The following TEK variants were observed in gnomAD, a reference collection of about 807,000 sequenced individuals.
The protein encoded by TEK is angiopoietin-1 receptor.
A neutral mutation model predicts 131.8 loss-of-function variants in TEK; 43 were observed. That is an observed-to-expected ratio of 0.33 (90% CI 0.26 to 0.42). TEK has a LOEUF of 0.42. Ranked by LOEUF, TEK falls within the 10% of genes least tolerant of loss-of-function variation. TEK has a pLI of 1.00. For missense variants in TEK, 1,162 were observed against 1,384.4 expected, an observed-to-expected ratio of 0.84 and a Z score of 2.55; for synonymous variants, 580 against 491.6, an observed-to-expected ratio of 1.18 and a Z score of -2.38.
chr9:27,229,096 C>A, intron 22 of TEK, 62 bp from the exon 23 acceptor site: 1 of 1,497,724 alleles, frequency 6.7e-7, no homozygotes, highest in Non-Finnish European at 9.3e-7. Context: ...ATTGCTGTAA[C>A]TGCCGCTGGC....
At chr9:27,183,073 TG>T (rs750062404) in intron 7 of TEK, among the ~76,000 whole-genome samples, 1 of 152,188 alleles carries the variant, frequency 6.6e-6, no homozygotes, top group Non-Finnish European at 1.5e-5. Flanking sequence ...TTTTGTTTGT[TG>T]TATTTTTGTA....
At chr9:27,201,515 A>G (rs1452405834) in intron 12 of TEK, among the ~76,000 whole-genome samples, 6 of 152,152 alleles carry the variant, frequency 3.9e-5, no homozygotes, top group African/African-American at 4.8e-5. Flanking sequence ...AAGACTTGGT[A>G]CTGGATGTAA....
At chr9:27,209,642 C>A (rs1347145136) in intron 16 of TEK, among the ~76,000 whole-genome samples, 1 of 152,090 alleles carries the variant, frequency 6.6e-6, no homozygotes, top group Non-Finnish European at 1.5e-5. Flanking sequence ...CCATGAATGC[C>A]AGCAATCTAG....
rs982034682 is a variant in TEK, at chr9:27,109,494, C to A, written c.-97C>A. The stretch of plus-strand genomic sequence containing the variant: ...AACTTGTAAACAAGACGTAGTAGGA[C>A]GATGCTAATGGAAAGTCACAAACCG... On this transcript the variant is annotated 5_prime_UTR_variant, in exon 1 of 23. Transcript: ENST00000380036. 3 of 1,227,602 alleles carry A rather than the reference C, an allele frequency of 2.4e-6. No individual in the cohort carries two copies. Among genetic ancestry groups the A allele is most frequent in the African/African-American group, 3.0e-5 (2 of 67,264 alleles). 76.0% of individuals were successfully genotyped at this position (1,227,602 alleles called of 1,614,324 possible).
chr9:27,191,598 A>T (rs977005646), intron 10 of TEK, among the ~76,000 whole-genome samples: 6 of 151,866 alleles, frequency 4.0e-5, no homozygotes, highest in African/African-American at 1.2e-4. Flanking sequence ...ATGGAAAAAA[A>T]AAAAGAGAAG....
At chr9:27,188,335 G>C (rs1564085229) in intron 9 of TEK, among the ~76,000 whole-genome samples, 1 of 152,112 alleles carries the variant, frequency 6.6e-6, no homozygotes, top group Admixed American at 6.6e-5. Flanking sequence ...AGATATTCAC[G>C]CTTTACAATA....
At chr9:27,122,029 A>G (rs1021166492) in intron 1 of TEK, among the ~76,000 whole-genome samples, 1 of 152,254 alleles carries the variant, frequency 6.6e-6, no homozygotes, top group African/African-American at 2.4e-5. Context: ...TAATAAAATT[A>G]TAGACAAGAC....
At chr9:27,121,194 G>A (rs1308953032) in intron 1 of TEK, among the ~76,000 whole-genome samples, 2 of 152,148 alleles carry the variant, frequency 1.3e-5, no homozygotes, top group Non-Finnish European at 2.9e-5. Context: ...AGGCGTGGTG[G>A]TGCACACTTG....
In TEK at chr9:27,204,928, G is replaced by A. The variant is rs767813511; in HGVS notation, c.2227G>A (p.Gly743Arg). The A allele has an allele frequency of 5.9e-5, 96 of 1,613,794 alleles. No individual in the cohort carries two copies. The highest frequency in any genetic ancestry group is 9.3e-5 in the African/African-American group (7 of 74,918). ...PESQAPADLG[G>R]GKMLLIAILG... ...CTGCACAGCACCAGCGGACCTCGGA[G>A]GGGGGAAGATGCTGCTTATAGCCAT... The change falls in exon 14 of 23, where the codon GGG becomes AGG. Residue 743 changes from glycine to arginine, a missense_variant. Gly to Arg is a moderately radical substitution (Grantham distance 125). Around this residue, in one of 6 missense-constraint regions of TEK, gnomAD observed 477 missense variants for 471.0 expected, o/e 1.01. Coordinates refer to ENST00000380036, the MANE Select transcript of TEK (RefSeq NM_000459.5).
At chr9:27,179,972 A>G (rs1249049048) in intron 6 of TEK, among the ~76,000 whole-genome samples, 1 of 152,092 alleles carries the variant, frequency 6.6e-6, no homozygotes, top group Non-Finnish European at 1.5e-5. Context: ...TTTTCTTCCT[A>G]TCCCACTCTT....
rs762557707 is a variant in TEK at position 27,192,622 on chromosome 9, C to T, written c.1623C>T (p.Ile541=). 35 of 1,479,068 alleles carry T rather than the reference C, an allele frequency of 2.4e-5. No homozygotes were observed. Among genetic ancestry groups the T allele is most frequent in the Middle Eastern group, 1.9e-4 (1 of 5,366 alleles). 91.6% of individuals were successfully genotyped at this position (1,479,068 alleles called of 1,614,324 possible). ...GPVRRFTTAS[I]GLPPPRGLNL... is the part of the protein sequence containing the mutation. ...TGAGACGCTTCACAACAGCTTCTAT[C>T]GGTCAGTGGAAGCCAACAGGCATTT... Residue 541 remains isoleucine, a splice_region_variant and synonymous_variant, in exon 11 of 23, where the codon ATC becomes ATT. Coordinates refer to ENST00000380036, the MANE Select transcript of TEK (RefSeq NM_000459.5).
chr9:27,123,466 T>C (rs573549659), intron 1 of TEK, among the ~76,000 whole-genome samples: 1 of 152,168 alleles, frequency 6.6e-6, no homozygotes, highest in Non-Finnish European at 1.5e-5. Context: ...GTTTTATAAA[T>C]ACACTGTAAT....
chr9:27,219,082 A>T (rs1825941686), intron 20 of TEK, among the ~76,000 whole-genome samples: 1 of 147,696 alleles, frequency 6.8e-6, no homozygotes, highest in African/African-American at 2.5e-5. Context: ...TGCCAGGTTA[A>T]CTTCTAAAAC....
chr9:27,213,087 A>G (rs758860350), intron 17 of TEK, among the ~76,000 whole-genome samples, 190 bp downstream of exon 17: 9 of 152,018 alleles, frequency 5.9e-5, no homozygotes, highest in Non-Finnish European at 1.2e-4. Flanking sequence ...TTTATCTAGC[A>G]ATTTTCATAA....
At chr9:27,167,140 A>G (rs964563961) in intron 2 of TEK, among the ~76,000 whole-genome samples, 1 of 152,342 alleles carries the variant, frequency 6.6e-6, no homozygotes, top group East Asian at 1.9e-4. Context: ...TTTTATTCCC[A>G]TATCTTGTCC....
At chr9:27,119,182 T>C (rs1407324996) in intron 1 of TEK, among the ~76,000 whole-genome samples, 1 of 152,134 alleles carries the variant, frequency 6.6e-6, no homozygotes, top group Non-Finnish European at 1.5e-5. Flanking sequence ...CACTGAAAAA[T>C]GACCTGAACC....
chr9:27,202,353 C>G (rs1326215809), intron 12 of TEK, among the ~76,000 whole-genome samples: 1 of 152,196 alleles, frequency 6.6e-6, no homozygotes, highest in Non-Finnish European at 1.5e-5. Context: ...GGAGTTGAAT[C>G]TTGTTTCTTC....
chr9:27,201,406 C>G (rs1564093978), intron 12 of TEK, among the ~76,000 whole-genome samples: 1 of 152,174 alleles, frequency 6.6e-6, no homozygotes, highest in Non-Finnish European at 1.5e-5. Context: ...CAAATATTAA[C>G]TATGTGATCA....
intron 1 of TEK, among the ~76,000 whole-genome samples, chr9:27,137,879 C>T (rs535831861): frequency 2.6e-5 from 4 of 152,270 alleles, no homozygotes; most frequent in South Asian, 4.1e-4. Context: ...GGTTCTTGGT[C>T]TCACTGTGGA....
Sources: gnomAD v4.1 joint callset for allele counts (sites outside exome capture counted in the v4.1 genomes callset) on GRCh38, gnomAD v4.1.1 for gene constraint, gnomAD v4.1.1 regional missense constraint, MANE v1.5 for transcripts, NCBI Gene and HGNC (gene_info 2026-07-23, HGNC 2026-07-21) for gene names.